The following TEX11 variants were observed in gnomAD, a reference collection of about 807,000 sequenced individuals.
TEX11 encodes testis expressed 11, also known as testis-expressed protein 11.
In TEX11, 7 loss-of-function variants were observed where a neutral mutation model predicts 84.4. That is an observed-to-expected ratio of 0.08 (90% CI 0.05 to 0.16). TEX11 has a LOEUF of 0.16. TEX11 is among the 10% of genes least tolerant of loss of function. The pLI, the probability that TEX11 is intolerant of heterozygous loss-of-function variation, is 1.00. For missense variants in TEX11, 551 were observed against 660.5 expected (o/e 0.83, Z 1.82); for synonymous variants, 264 against 222.8 (o/e 1.18, Z -1.64).
At chrX:70,677,810 C>CT (rs35653618) in intron 15 of TEX11, among the ~76,000 whole-genome samples, 12,513 of 63,479 alleles carry the variant, frequency 0.2, 1,386 homozygotes, top group African/African-American at 0.3. Flanking sequence ...CTTTTCTTTC[C>CT]TTTTTTTTTT....
At chrX:70,656,699 G>A (rs941685650) in intron 16 of TEX11, among the ~76,000 whole-genome samples, 2 of 111,867 alleles carry the variant, frequency 1.8e-5, no homozygotes, top group Non-Finnish European at 3.8e-5. Flanking sequence ...ATAGGGAAGC[G>A]TCTAATGGAC....
intron 25 of TEX11, among the ~76,000 whole-genome samples, chrX:70,583,018 T>G (rs2088800664): frequency 9.0e-6 from 1 of 111,119 alleles, no homozygotes; most frequent in Admixed American, 9.7e-5. Flanking sequence ...AGCCCTATGT[T>G]TATTTTTAAA....
chrX:70,566,387 A>G (rs1255454975), intron 25 of TEX11, among the ~76,000 whole-genome samples: 1 of 106,211 alleles, frequency 9.4e-6, no homozygotes. Flanking sequence ...CTAATTGAAT[A>G]CCCTTTATTT....
chrX:70,666,795 C>G (rs2089979649), intron 16 of TEX11, among the ~76,000 whole-genome samples: 1 of 111,851 alleles, frequency 8.9e-6, no homozygotes, highest in African/African-American at 3.2e-5. Context: ...TTTAAATACC[C>G]TAGGGCCTTT....
At chrX:70,771,545 T>G (rs1044930999) in intron 9 of TEX11, among the ~76,000 whole-genome samples, 2 of 111,783 alleles carry the variant, frequency 1.8e-5, no homozygotes, top group Non-Finnish European at 3.8e-5. Flanking sequence ...TGAAAAAAAC[T>G]TAAAAAAAAC....
chrX:70,710,326 A>G (rs1219573449), intron 13 of TEX11, among the ~76,000 whole-genome samples: 1 of 111,579 alleles, frequency 9.0e-6, no homozygotes, highest in Non-Finnish European at 1.9e-5. Context: ...TGTTTGTAGA[A>G]TTTTTTAAAT....
chrX:70,718,574 A>T (rs187824569), intron 13 of TEX11, among the ~76,000 whole-genome samples: 202 of 112,465 alleles, frequency 1.8e-3, no homozygotes, highest in African/African-American at 6.3e-3. Context: ...GAACTGAGTC[A>T]GGGATTTTCC....
chrX:70,683,440 G>A (rs2090162413), intron 13 of TEX11, among the ~76,000 whole-genome samples: 1 of 111,338 alleles, frequency 9.0e-6, no homozygotes, highest in African/African-American at 3.3e-5. Flanking sequence ...AGACTAGCTT[G>A]GGCAAGATGG....
At chrX:70,697,490 T>C (rs774892457) in intron 13 of TEX11, among the ~76,000 whole-genome samples, 1 of 112,022 alleles carries the variant, frequency 8.9e-6, no homozygotes, top group South Asian at 3.8e-4. Context: ...ATCATCACTT[T>C]AATGCCTGTA....
chrX:70,566,760 G>A (rs1274331272), intron 25 of TEX11, among the ~76,000 whole-genome samples: 1 of 111,646 alleles, frequency 9.0e-6, no homozygotes, highest in Non-Finnish European at 1.9e-5. Context: ...AAGCCCACTT[G>A]ATCATGGTGG....
chrX:70,567,512 G>A (rs1381798738), intron 25 of TEX11, among the ~76,000 whole-genome samples: 1 of 110,999 alleles, frequency 9.0e-6, no homozygotes, highest in Non-Finnish European at 1.9e-5. Flanking sequence ...GTCAATTTTA[G>A]ATCTTTCCTG....
chrX:70,550,099 T>A (rs763848876), intron 28 of TEX11, among the ~76,000 whole-genome samples: 126 of 112,503 alleles, frequency 1.1e-3, no homozygotes, highest in Non-Finnish European at 2.1e-3. Flanking sequence ...ACATCTACAG[T>A]GAACTCATTT....
At chrX:70,719,433 T>C (rs1603235691) in intron 13 of TEX11, among the ~76,000 whole-genome samples, 2 of 111,816 alleles carry the variant, frequency 1.8e-5, no homozygotes, top group Admixed American at 1.9e-4. Flanking sequence ...ACACCACAAA[T>C]AAATATGCTT....
At chrX:70,867,428 C>A (rs1277362683) in intron 4 of TEX11, among the ~76,000 whole-genome samples, 1 of 111,534 alleles carries the variant, frequency 9.0e-6, no homozygotes, top group Non-Finnish European at 1.9e-5. Flanking sequence ...AGATTAATAT[C>A]ATGAAAATGG....
At chrX:70,644,864 T>C (rs2089720211) in intron 17 of TEX11, among the ~76,000 whole-genome samples, 1 of 103,700 alleles carries the variant, frequency 9.6e-6, no homozygotes, top group Admixed American at 1.1e-4. Flanking sequence ...ATGGCACATG[T>C]ATACATATGT....
intron 9 of TEX11, among the ~76,000 whole-genome samples, chrX:70,755,764 G>A (rs894926582): frequency 1.3e-4 from 15 of 112,236 alleles, no homozygotes; most frequent in Admixed American, 1.2e-3. Context: ...TGCAGCCCAC[G>A]GAGGGCGAAC....
intron 7 of TEX11, 53 bp from the exon 8 acceptor site, chrX:70,833,646 C>T: frequency 3.0e-6 from 3 of 990,615 alleles, no homozygotes; most frequent in Non-Finnish European, 4.2e-6. Context: ...GGTTATTTGT[C>T]TCTAAGTCAA....
intron 9 of TEX11, among the ~76,000 whole-genome samples, chrX:70,788,971 TATAGAGAGAG>T (rs1161875848): frequency 6.9e-4 from 13 of 18,864 alleles, no homozygotes; most frequent in East Asian, 4.6e-3. Flanking sequence ...TATATATATA[TATAGAGAGAG>T]AGAGAGAGAG....
At chrX:70,750,510 T>G (rs1478781096) in intron 9 of TEX11, among the ~76,000 whole-genome samples, 1 of 109,919 alleles carries the variant, frequency 9.1e-6, no homozygotes, top group Non-Finnish European at 1.9e-5. Context: ...AGCAAAGACT[T>G]GGAACCAACC....
Sources: allele counts gnomAD v4.1 joint callset (sites outside exome capture counted in the v4.1 genomes callset), GRCh38; gene constraint gnomAD v4.1.1; transcripts MANE v1.5; gene names NCBI Gene and HGNC (gene_info 2026-07-23, HGNC 2026-07-21).